ZNF521: variants seen among roughly 807,000 people sequenced by gnomAD.
The protein encoded by ZNF521 is zinc finger protein 521.
Under a neutral mutation model 105.5 loss-of-function variants are expected in ZNF521, and 14 were observed. The observed-to-expected ratio is 0.13, with a 90% CI of 0.09 to 0.21. The LOEUF (loss-of-function observed/expected upper bound fraction) is 0.21, where lower values mean the gene tolerates loss of function less well. Ranked by LOEUF, ZNF521 falls within the 10% of genes least tolerant of loss-of-function variation. ZNF521 has a pLI of 1.00. For synonymous variants in ZNF521, 635 were observed against 606.0 expected (o/e 1.05, Z -0.70); for missense variants, 1,233 against 1,629.7 (o/e 0.76, Z 4.19).
chr18:25,107,177 T>C (rs933925982), intron 5 of ZNF521, among the ~76,000 whole-genome samples: 1 of 152,236 alleles, frequency 6.6e-6, no homozygotes, highest in African/African-American at 2.4e-5. Flanking sequence ...GAATATCAAG[T>C]ACCTATGTTG....
At chr18:25,129,936 A>G (rs1600072704) in intron 5 of ZNF521, among the ~76,000 whole-genome samples, 1 of 152,180 alleles carries the variant, frequency 6.6e-6, no homozygotes, top group African/African-American at 2.4e-5. Flanking sequence ...GAGCTTTCTT[A>G]TAAAGCTAAG....
intron 5 of ZNF521, among the ~76,000 whole-genome samples, chr18:25,175,612 T>G (rs1247044142): frequency 6.6e-6 from 1 of 152,170 alleles, no homozygotes; most frequent in Admixed American, 6.5e-5. Flanking sequence ...GCATAAATAT[T>G]GGTTGAGTTA....
intron 7 of ZNF521, among the ~76,000 whole-genome samples, chr18:25,072,268 T>A (rs2033244604): frequency 4.6e-5 from 7 of 152,210 alleles, no homozygotes; most frequent in Admixed American, 3.9e-4. Flanking sequence ...CATAGAACAA[T>A]TCCTAGTATT....
At chr18:25,203,950 C>T (rs776038044) in intron 4 of ZNF521, among the ~76,000 whole-genome samples, 2 of 152,028 alleles carry the variant, frequency 1.3e-5, no homozygotes. Context: ...TCTGTCTCTG[C>T]GACAGTGAGT....
intron 3 of ZNF521, among the ~76,000 whole-genome samples, chr18:25,262,771 C>T (rs1488210118): frequency 1.3e-5 from 2 of 152,188 alleles, no homozygotes; most frequent in African/African-American, 2.4e-5. Context: ...GAGTCACCTA[C>T]ACCTGTCATG....
chr18:25,328,402 AACACACACACACACACACAC>A (rs57967888), intron 2 of ZNF521, among the ~76,000 whole-genome samples: 6 of 141,680 alleles, frequency 4.2e-5, no homozygotes, highest in African/African-American at 7.9e-5. Flanking sequence ...GGGGAGGTTA[AACACACACACACACACACAC>A]ACACACACAC....
chr18:25,225,285 T>C lies in ZNF521; in HGVS notation c.2633A>G (p.Asp878Gly). ...SHNSHDGSEE[D>G]VDTSEPMYGC... The stretch of plus-strand genomic sequence containing the variant: ...GTACATAGGCTCAGAGGTGTCAACG[T>C]CTTCTTCGCTCCCATCGTGACTGTT... Residue 878 changes from aspartate to glycine, a missense_variant, in exon 4 of 8, where the codon GAC (aspartate) becomes GGC (glycine). Coordinates refer to ENST00000361524, the MANE Select transcript of ZNF521 (RefSeq NM_015461.3). The surrounding 1 kb of genome is among the most constrained non-coding windows in gnomAD (Gnocchi z 5.6). 2 of 1,614,168 alleles carry C rather than the reference T, an allele frequency of 1.2e-6. No homozygotes were observed. The highest frequency in any genetic ancestry group is 1.1e-5 in the South Asian group (1 of 91,074).
intron 5 of ZNF521, among the ~76,000 whole-genome samples, chr18:25,163,914 T>C (rs2035292514): frequency 6.6e-6 from 1 of 152,126 alleles, no homozygotes; most frequent in African/African-American, 2.4e-5. Context: ...CCTTTCACTA[T>C]AAATGATAGG....
chr18:25,314,926 A>T (rs1912518644), intron 3 of ZNF521, among the ~76,000 whole-genome samples: 1 of 152,200 alleles, frequency 6.6e-6, no homozygotes, highest in Non-Finnish European at 1.5e-5. Context: ...TTACAATACT[A>T]GTTCTTACTC....
At chr18:25,063,520 T>C (rs1431324815) in intron 7 of ZNF521, among the ~76,000 whole-genome samples, 1 of 151,964 alleles carries the variant, frequency 6.6e-6, no homozygotes, top group Non-Finnish European at 1.5e-5. Flanking sequence ...TTCCAAATTG[T>C]GAGAGGGTAA....
chr18:25,307,380 A>C (rs956994844), intron 3 of ZNF521, among the ~76,000 whole-genome samples: 3 of 152,228 alleles, frequency 2.0e-5, no homozygotes, highest in Non-Finnish European at 4.4e-5. Flanking sequence ...ATCTGACTTG[A>C]ATATTCATCC....
chr18:25,250,651 G>A (rs1908053293), intron 3 of ZNF521, among the ~76,000 whole-genome samples: 1 of 152,210 alleles, frequency 6.6e-6, no homozygotes, highest in Non-Finnish European at 1.5e-5. Flanking sequence ...GAACTCCGAT[G>A]TTATCATTCC....
intron 3 of ZNF521, among the ~76,000 whole-genome samples, chr18:25,274,153 C>T (rs1442520931): frequency 1.3e-5 from 2 of 152,136 alleles, no homozygotes; most frequent in South Asian, 2.1e-4. Flanking sequence ...CAAGACTCTG[C>T]TATAAGAATT....
intron 4 of ZNF521, among the ~76,000 whole-genome samples, chr18:25,218,602 T>C (rs1905489382): frequency 6.8e-6 from 1 of 148,136 alleles, no homozygotes; most frequent in South Asian, 2.1e-4. Context: ...CAGTGACCCA[T>C]GATCCCACCA....
intron 5 of ZNF521, among the ~76,000 whole-genome samples, chr18:25,150,141 T>A (rs768428527): frequency 1.3e-5 from 2 of 152,160 alleles, no homozygotes; most frequent in African/African-American, 2.4e-5. Context: ...TGGATGGAAC[T>A]GGAGACCATC....
intron 3 of ZNF521, among the ~76,000 whole-genome samples, chr18:25,284,230 ATTT>A (rs898943369): frequency 1.3e-5 from 2 of 152,118 alleles, no homozygotes; most frequent in African/African-American, 4.8e-5. Context: ...GGACTTCAAA[ATTT>A]TTTATTCACT....
chr18:25,080,259 C>T (rs529386616), intron 7 of ZNF521, among the ~76,000 whole-genome samples: 1 of 152,304 alleles, frequency 6.6e-6, no homozygotes, highest in Non-Finnish European at 1.5e-5. Flanking sequence ...AATTTCACCA[C>T]TATTAAAGGA....
intron 5 of ZNF521, among the ~76,000 whole-genome samples, chr18:25,112,653 C>T (rs1044330962): frequency 8.6e-5 from 13 of 151,994 alleles, no homozygotes; most frequent in African/African-American, 1.2e-4. Context: ...ATGTGGGGTG[C>T]GGGGGGGCAG....
At chr18:25,311,775 A>G (rs1018865970) in intron 3 of ZNF521, among the ~76,000 whole-genome samples, 2 of 152,170 alleles carry the variant, frequency 1.3e-5, no homozygotes, top group Admixed American at 1.3e-4. Flanking sequence ...GAATCCTGAA[A>G]CCACAGTTAG....
Sources: gnomAD v4.1 joint callset for allele counts (sites outside exome capture counted in the v4.1 genomes callset) on GRCh38, gnomAD v4.1.1 for gene constraint, Gnocchi (gnomAD v3.1) non-coding constraint, MANE v1.5 for transcripts, NCBI Gene and HGNC (gene_info 2026-07-23, HGNC 2026-07-21) for gene names.